The following KMT2C variants were observed in gnomAD, a reference collection of about 807,000 sequenced individuals.
KMT2C encodes histone-lysine N-methyltransferase 2C.
KMT2C carries 88 observed loss-of-function variants against 507.9 expected under a neutral mutation model. That is an observed-to-expected ratio of 0.17 (90% CI 0.15 to 0.21). KMT2C has a LOEUF of 0.21. Among genes scored for constraint, KMT2C ranks in the 10% least tolerant of loss-of-function variants. KMT2C has a pLI of 1.00. For synonymous variants in KMT2C, 2,049 were observed against 2,080.8 expected, an observed-to-expected ratio of 0.98 and a Z score of 0.42; for missense variants, 4,954 against 5,957.8, an observed-to-expected ratio of 0.83 and a Z score of 5.55.
intron 4 of KMT2C, among the ~76,000 whole-genome samples, chr7:152,313,812 A>C (rs1201696926): frequency 6.6e-6 from 1 of 152,148 alleles, no homozygotes; most frequent in Non-Finnish European, 1.5e-5. Context: ...ACTTTCGTTT[A>C]ACAAAGGCTA....
Position 152,152,734 on chromosome 7 carries a change from G to A in KMT2C, c.12497C>T (p.Pro4166Leu), listed in dbSNP as rs2091735206. ...GCTTGTTGGAGGAAATGGTACATTA[G>A]GCTGCTTCAGCCGGTAAGAGCTCAC... ...RLVSSYRLKQPNVPFPPTSNG... is the reference protein window; with the variant it reads ...RLVSSYRLKQLNVPFPPTSNG... Residue 4166 changes from proline to leucine, a missense_variant, in exon 49 of 59, where the codon CCT becomes CTT. Pro to Leu is a moderately conservative substitution (Grantham distance 98). Coordinates refer to ENST00000262189, the MANE Select transcript of KMT2C (RefSeq NM_170606.3). 6.2e-7 allele frequency: 1 copy of A among 1,614,078 alleles called. No individual in the cohort carries two copies. Among genetic ancestry groups the A allele is most frequent in the African/African-American group, 1.3e-5 (1 of 74,914 alleles).
Position 152,230,522 on chromosome 7 carries a change from T to C in KMT2C, c.2770-201A>G, listed in dbSNP as rs544714574. Among the ~76,000 whole-genome samples, 7 of 152,294 alleles carry C rather than the reference T, an allele frequency of 4.6e-5. No homozygotes were observed. In the South Asian group the frequency reaches 1.2e-3, roughly 27 times the overall value. ...ATTCACCTAATTCTCTCTTTAGAGG[T>C]AGAATTCCTATAGACCAAGAAGTAA... On this transcript the variant is annotated intron_variant, in intron 16 of 58. Coordinates refer to ENST00000262189, the MANE Select transcript of KMT2C (RefSeq NM_170606.3).
intron 3 of KMT2C, among the ~76,000 whole-genome samples, chr7:152,324,887 T>C (rs111957753): frequency 3.9e-5 from 6 of 152,148 alleles, no homozygotes; most frequent in South Asian, 2.1e-4. Flanking sequence ...CCCAACAGCA[T>C]GTTTAAAAAA....
In KMT2C at chr7:152,148,724, T is replaced by C. The variant is rs1329495551; in HGVS notation, c.13203A>G (p.Lys4401=). ...KPDPVPKDYR[K]CCFCHEEGDG... Reference sequence around the variant, plus strand: ...CACCTTCTTCATGACAAAAGCAACATTTCCGATAGTCTTTGGGCACAGGAT... The same window carrying C: ...CACCTTCTTCATGACAAAAGCAACACTTCCGATAGTCTTTGGGCACAGGAT... The change falls in exon 52 of 59, where the codon AAA becomes AAG. Residue 4401 remains lysine (K), a synonymous_variant. Transcript: ENST00000262189. The surrounding 1 kb of genome is among the most constrained non-coding windows in gnomAD (Gnocchi z 7.1). 8 of 1,614,074 alleles carry C rather than the reference T, an allele frequency of 5.0e-6. No homozygotes were observed. In the African/African-American group the frequency reaches 5.3e-5, roughly 11 times the overall value.
chr7:152,167,064 T>C, intron 42 of KMT2C, 82 bp downstream of exon 42: 3 of 1,146,214 alleles, frequency 2.6e-6, no homozygotes, highest in South Asian at 1.5e-5. Context: ...AAATCACTAG[T>C]CAAAGTCACT....
At chr7:152,187,977 A>G (rs2093675078) in intron 31 of KMT2C, 130 bp from the exon 32 acceptor site, 1 of 849,986 alleles carries the variant, frequency 1.2e-6, no homozygotes, top group Non-Finnish European at 1.8e-6. Flanking sequence ...TTTCAACTGA[A>G]TGTGGATAGA....
intron 6 of KMT2C, among the ~76,000 whole-genome samples, chr7:152,306,835 G>T (rs992973536): frequency 4.6e-5 from 7 of 152,146 alleles, no homozygotes; most frequent in African/African-American, 1.7e-4. Flanking sequence ...TAGCTAACTG[G>T]TCCATCTTGT....
At chr7:152,384,582 C>CACTAAAACCACA (rs2097405540) in intron 1 of KMT2C, among the ~76,000 whole-genome samples, 6 of 143,812 alleles carry the variant, frequency 4.2e-5, no homozygotes, top group African/African-American at 1.3e-4. Flanking sequence ...CCACCACCAC[C>CACTAAAACCACA]ACCACCACCA....
At chr7:152,413,668 T>G (rs1211722817) in intron 1 of KMT2C, among the ~76,000 whole-genome samples, 1 of 151,010 alleles carries the variant, frequency 6.6e-6, no homozygotes. Context: ...GTGGATCACC[T>G]GAGGTCAGGA....
intron 39 of KMT2C, among the ~76,000 whole-genome samples, chr7:152,171,637 T>G (rs1017682657): frequency 2.0e-5 from 3 of 152,236 alleles, no homozygotes; most frequent in Non-Finnish European, 4.4e-5. Context: ...AGAAGCCAGC[T>G]AGGCTGACTC....
In KMT2C at chr7:152,378,170, A is replaced by C. The variant is rs571154718; in HGVS notation, c.162-19495T>G. On this transcript the variant is annotated intron_variant, in intron 1 of 58. Coordinates refer to ENST00000262189, the MANE Select transcript of KMT2C (RefSeq NM_170606.3). ...AGAATACTATATAACCTTAGTTGTT[A>C]AAGCAGTGTTTGAGCTGACTCCAAT... is the stretch of plus-strand genomic sequence containing the variant. Among the ~76,000 whole-genome samples the C allele has an allele frequency of 3.9e-5, 6 of 152,376 alleles. No homozygotes were observed. The South Asian group carries it at 1.2e-3, about 32-fold the overall frequency.
rs2129125198 is a variant in KMT2C at position 152,187,821 on chromosome 7, T to C, written c.4687A>G (p.Asn1563Asp). 1.1e-5 allele frequency: 17 copies of C among 1,613,488 alleles called. No individual in the cohort carries two copies. The highest frequency in any genetic ancestry group is 1.4e-5 in the Non-Finnish European group (16 of 1,179,822). The change falls in exon 32 of 59, where the codon AAT (asparagine) becomes GAT (aspartate). Residue 1563 changes from asparagine to aspartate, a missense_variant. This residue lies in a region of KMT2C where 195 missense variants were observed against 183.7 expected (regional missense o/e 1.06). Coordinates refer to ENST00000262189, the MANE Select transcript of KMT2C (RefSeq NM_170606.3). ...TGAGGACTGGATCCAATAAGGCCAT[T>C]CATGAGAGGCATCCGTGAAAAAGCA... ...QDAFSRMPLM[N>D]GLIGSSPHLP...
At chr7:152,270,362 A>G (rs2095939955) in intron 7 of KMT2C, among the ~76,000 whole-genome samples, 2 of 152,250 alleles carry the variant, frequency 1.3e-5, no homozygotes, top group South Asian at 4.1e-4. Context: ...AATTAAAGCT[A>G]AATGATGAGT....
Position 152,144,643 on chromosome 7 carries a change from A to AC in KMT2C, c.14343+69dup. On this transcript the variant is annotated intron_variant, in intron 55 of 58. Transcript: ENST00000262189. This position sits in a 1 kb window ranked among gnomAD's most constrained non-coding sequence, Gnocchi z 4.4. ...ATGTGAAATCATTTTCACATACTGGACATCAATAGCTTCAGATTGCTAGAC... is the reference window on the plus strand; with the variant it reads ...ATGTGAAATCATTTTCACATACTGGACCATCAATAGCTTCAGATTGCTAGAC... The AC allele has an allele frequency of 7.1e-7, 1 of 1,410,948 alleles. No homozygotes were observed. The highest frequency in any genetic ancestry group is 9.8e-7 in the Non-Finnish European group (1 of 1,016,996). The allele number at this position is 1,410,948 out of a possible 1,614,324, so 87.4% of individuals were successfully genotyped here.
intron 1 of KMT2C, among the ~76,000 whole-genome samples, chr7:152,417,493 C>T (rs958222194): frequency 2.6e-5 from 4 of 152,100 alleles, no homozygotes; most frequent in Admixed American, 6.6e-5. Context: ...ATTATCATCC[C>T]TATTTTATAG....
intron 1 of KMT2C, among the ~76,000 whole-genome samples, chr7:152,364,463 C>T (rs1052074667): frequency 9.9e-5 from 15 of 151,542 alleles, no homozygotes; most frequent in Non-Finnish European, 4.4e-5. Flanking sequence ...AAAAATTAGC[C>T]GGGCGCGTGG....
At chr7:152,137,301 C>A in intron 58 of KMT2C, 1 of 174,358 alleles carries the variant, frequency 5.7e-6, no homozygotes, top group Non-Finnish European at 1.2e-5. Context: ...CTGAATGGGG[C>A]ATGCAATTCT....
chr7:152,420,093 C>T (rs189864777), intron 1 of KMT2C, among the ~76,000 whole-genome samples: 201 of 152,264 alleles, frequency 1.3e-3, no homozygotes, highest in Non-Finnish European at 2.1e-3. Flanking sequence ...GGGATCTTGC[C>T]TTATTTTGGT....
Position 152,225,681 on chromosome 7 carries a change from G to A in KMT2C, c.2977-1065C>T, listed in dbSNP as rs2094906801. Reference sequence around the variant, plus strand: ...TCTATAAATCAACAGATCCAACAAAGGACATCAGGCCAGGAAGTTTAAGGA... The same window carrying A: ...TCTATAAATCAACAGATCCAACAAAAGACATCAGGCCAGGAAGTTTAAGGA... On this transcript the variant is annotated intron_variant, in intron 18 of 58. Coordinates refer to ENST00000262189, the MANE Select transcript of KMT2C (RefSeq NM_170606.3). Among the ~76,000 whole-genome samples, 4 of 152,224 alleles carry A rather than the reference G, an allele frequency of 2.6e-5. No individual in the cohort carries two copies. In the South Asian group the frequency reaches 8.3e-4, roughly 32 times the overall value.
Sources: gnomAD v4.1 joint callset for allele counts (sites outside exome capture counted in the v4.1 genomes callset) on GRCh38, gnomAD v4.1.1 for gene constraint, gnomAD v4.1.1 regional missense constraint, Gnocchi (gnomAD v3.1) non-coding constraint, MANE v1.5 for transcripts, NCBI Gene and HGNC (gene_info 2026-07-23, HGNC 2026-07-21) for gene names.